OSBPL5: variants seen among roughly 807,000 people sequenced by gnomAD.
OSBPL5 encodes the protein oxysterol binding protein like 5.
OSBPL5 carries 71 observed loss-of-function variants against 111.2 expected under a neutral mutation model. That is an observed-to-expected ratio of 0.64 (90% CI 0.53 to 0.78). The LOEUF (loss-of-function observed/expected upper bound fraction) is 0.78. Ranked by LOEUF, OSBPL5 falls within the 30% of genes least tolerant of loss-of-function variation. The pLI is 0.00. For synonymous variants in OSBPL5, 549 were observed against 513.9 expected, an observed-to-expected ratio of 1.07 and a Z score of -0.93; for missense variants, 1,210 against 1,189.3, an observed-to-expected ratio of 1.02 and a Z score of -0.26.
chr11:3,099,551 T>C (rs1857384606), intron 14 of OSBPL5, among the ~76,000 whole-genome samples: 1 of 151,982 alleles, frequency 6.6e-6, no homozygotes, highest in Non-Finnish European at 1.5e-5. Context: ...AGTCTGTTAA[T>C]GAAAAAATAA....
intron 1 of OSBPL5, 94 bp from the exon 2 acceptor site, chr11:3,129,263 C>A: frequency 8.6e-7 from 1 of 1,168,336 alleles, no homozygotes; most frequent in Non-Finnish European, 1.1e-6. Flanking sequence ...AGAAGTCCCC[C>A]TCTCAGGGGA....
At chr11:3,139,091 C>T (rs528440733) in intron 1 of OSBPL5, among the ~76,000 whole-genome samples, 1 of 152,312 alleles carries the variant, frequency 6.6e-6, no homozygotes, top group South Asian at 2.1e-4. Context: ...CAGGCCCACA[C>T]TCTCCCCCAA....
chr11:3,149,743 A>AC (rs201759866), intron 1 of OSBPL5, among the ~76,000 whole-genome samples: 101 of 151,078 alleles, frequency 6.7e-4, no homozygotes, highest in African/African-American at 2.3e-3. Context: ...TCATCAAACG[A>AC]CCCCCCCGTC....
At chr11:3,096,193 T>C (rs1007136027) in intron 14 of OSBPL5, among the ~76,000 whole-genome samples, 1 of 152,192 alleles carries the variant, frequency 6.6e-6, no homozygotes, top group Non-Finnish European at 1.5e-5. Context: ...AACGGCCAAC[T>C]GTCACGTGTG....
In OSBPL5 at chr11:3,126,547, T is replaced by C. The variant is rs1394040110; in HGVS notation, c.145A>G (p.Met49Val). The change falls in exon 3 of 22, where the codon ATG (methionine) becomes GTG (valine). Residue 49 changes from methionine (M) to valine (V), a missense_variant. Met to Val is a conservative substitution (Grantham distance 21). Transcript: ENST00000263650. This position sits in a 1 kb window ranked among gnomAD's most constrained non-coding sequence, Gnocchi z 6.5. ...ELYPLSPGKD[M>V]EPNGPSLPRD... ...GGCAGCGACGGGCCGTTGGGCTCCA[T>C]GTCCTTCCCTGCAAGAGAGCAGTGG... 5.0e-6 allele frequency: 8 copies of C among 1,607,764 alleles called. No individual in the cohort carries two copies. The highest frequency in any genetic ancestry group is 1.3e-5 in the African/African-American group (1 of 74,774).
At chr11:3,117,232 G>A (rs973566892) in intron 7 of OSBPL5, among the ~76,000 whole-genome samples, 4 of 144,984 alleles carry the variant, frequency 2.8e-5, no homozygotes, top group African/African-American at 7.7e-5. Flanking sequence ...AAAGCCCCTT[G>A]GAAAAACTGG....
In OSBPL5 at chr11:3,103,819, C is replaced by CAGCCCCATTCCTGCCTCT. The variant is rs1564830449; in HGVS notation, c.1244+373_1244+374insAGAGGCAGGAATGGGGCT. 4.5e-5 allele frequency among the ~76,000 whole-genome samples: 2 copies of CAGCCCCATTCCTGCCTCT among 44,010 alleles called. 1 individual carries two copies. Among genetic ancestry groups the CAGCCCCATTCCTGCCTCT allele is most frequent in the South Asian group, 1.3e-3 (2 of 1,542 alleles). The allele number at this position is 44,010 out of a possible 152,430, so 28.9% of individuals were successfully genotyped here. The stretch of plus-strand genomic sequence containing the variant: ...GCCTCTGCAGCCCTCTTCCTGCCTG[C>CAGCCCCATTCCTGCCTCT]GCAGCCCCCTTCCAGCCTCTGCAGC... On this transcript the variant is annotated intron_variant, in intron 10 of 21. Coordinates refer to ENST00000263650, the MANE Select transcript of OSBPL5 (RefSeq NM_020896.4).
rs781605222 is a variant in OSBPL5, at chr11:3,107,896, T to G, written c.741A>C (p.Leu247=). 3 of 1,604,612 alleles carry G rather than the reference T, an allele frequency of 1.9e-6. No individual in the cohort carries two copies. The highest frequency in any genetic ancestry group is 1.1e-5 in the South Asian group (1 of 91,060). ...ALELALRCSS[L]LRLGTCKPGR... The stretch of plus-strand genomic sequence containing the variant: ...CCGGCTTGCAGGTGCCCAGTCTCAG[T>G]AGGCTAGAGCAGCGCAGGGCCAGCT... The change falls in exon 8 of 22, where the codon CTA becomes CTC. Residue 247 remains leucine (L), a synonymous_variant. Transcript: ENST00000263650. This position sits in a 1 kb window ranked among gnomAD's most constrained non-coding sequence, Gnocchi z 6.1.
At position 3,104,604 on chromosome 11, in the gene OSBPL5, C is replaced by A. The variant is rs1417381719; in HGVS notation, c.1060-227G>T. ...GGAGCACCCGCAGCCCAGGTCCAGGCCCGCTCCTGTCTCTGCTCCTTGCCC... is the reference window on the plus strand; with the variant it reads ...GGAGCACCCGCAGCCCAGGTCCAGGACCGCTCCTGTCTCTGCTCCTTGCCC... On this transcript the variant is annotated intron_variant, in intron 9 of 21. Coordinates refer to ENST00000263650, the MANE Select transcript of OSBPL5 (RefSeq NM_020896.4). This position sits in a 1 kb window ranked among gnomAD's most constrained non-coding sequence, Gnocchi z 5.0. 1.3e-5 allele frequency among the ~76,000 whole-genome samples: 2 copies of A among 152,146 alleles called. No homozygotes were observed. Among genetic ancestry groups the A allele is most frequent in the Non-Finnish European group, 2.9e-5 (2 of 68,002 alleles).
At chr11:3,120,653 C>T (rs77244861) in intron 5 of OSBPL5, 29 bp from the exon 6 acceptor site, 1 of 1,605,914 alleles carries the variant, frequency 6.2e-7, no homozygotes, top group Non-Finnish European at 8.5e-7. Context: ...CGTCGATGCC[C>T]ACCCTCTGGG....
intron 1 of OSBPL5, among the ~76,000 whole-genome samples, chr11:3,133,694 GCGTC>G (rs1407678735): frequency 1.3e-5 from 2 of 152,238 alleles, no homozygotes; most frequent in Non-Finnish European, 2.9e-5. Flanking sequence ...GCATGGTGCT[GCGTC>G]CATCTCCAGC....
chr11:3,092,827 A>G lies in OSBPL5; in HGVS notation c.2132+40T>C. 1 of 1,491,408 alleles carries G rather than the reference A, an allele frequency of 6.7e-7. No homozygotes were observed. Among genetic ancestry groups the G allele is most frequent in the South Asian group, 1.3e-5 (1 of 75,550 alleles). 92.4% of individuals were successfully genotyped at this position (1,491,408 alleles called of 1,614,324 possible). A position where few individuals can be genotyped will look rare whatever the true frequency, so the allele number is the denominator to read the frequency against. ...CCTTCTCAGCCCGTCTGCTAGGCCC[A>G]GCCCCACCCTGTGGCCCCCAGGGCT... On this transcript the variant is annotated intron_variant, in intron 18 of 21. Transcript: ENST00000263650. This position sits in a 1 kb window ranked among gnomAD's most constrained non-coding sequence, Gnocchi z 5.4.
chr11:3,138,279 GGCTGGGCGT>G (rs1846006067), intron 1 of OSBPL5, among the ~76,000 whole-genome samples: 1 of 152,230 alleles, frequency 6.6e-6, no homozygotes, highest in South Asian at 2.1e-4. Flanking sequence ...CATGGGGGCG[GGCTGGGCGT>G]GGTCCCTGAG....
At chr11:3,158,263 G>A (rs1283010393) in intron 1 of OSBPL5, among the ~76,000 whole-genome samples, 1 of 152,260 alleles carries the variant, frequency 6.6e-6, no homozygotes, top group African/African-American at 2.4e-5. Flanking sequence ...TTCTGCAGGA[G>A]CTGGGCCCAA....
intron 13 of OSBPL5, among the ~76,000 whole-genome samples, chr11:3,100,919 C>A (rs1857429605): frequency 6.6e-6 from 1 of 151,900 alleles, no homozygotes; most frequent in South Asian, 2.1e-4. Context: ...CCGGGGCCAA[C>A]ACTGAGCCTG....
At position 3,100,246 on chromosome 11, in the gene OSBPL5, C is replaced by T; in HGVS notation, c.1533G>A (p.Leu511=). 6.2e-7 allele frequency: 1 copy of T among 1,614,024 alleles called. No homozygotes were observed. Among genetic ancestry groups the T allele is most frequent in the African/African-American group, 1.3e-5 (1 of 75,028 alleles). ...TAKSRFYGNS[L]SALLDGKATL... is the part of the protein sequence containing the mutation. ...TGGCTTTGCCGTCCAGCAGCGCCGA[C>T]AGCGAGTTCCCTGCAGAGACAAGAG... The change falls in exon 14 of 22, where the codon CTG becomes CTA. Residue 511 remains leucine, a synonymous_variant. Transcript: ENST00000263650.
At chr11:3,122,640 A>G (rs925888843) in intron 3 of OSBPL5, among the ~76,000 whole-genome samples, 1 of 151,870 alleles carries the variant, frequency 6.6e-6, no homozygotes, top group Admixed American at 6.5e-5. Flanking sequence ...GAGACCCTCC[A>G]TGGGCACACG....
chr11:3,107,566 G>T lies in OSBPL5; in HGVS notation c.867-111C>A, dbSNP rs147826009. The stretch of plus-strand genomic sequence containing the variant: ...CACTTCACATACGTTCCTGCCTGTC[G>T]TCACCTCCACAACCCACATTTGACA... On this transcript the variant is annotated intron_variant, in intron 8 of 21. Coordinates refer to ENST00000263650, the MANE Select transcript of OSBPL5 (RefSeq NM_020896.4). This position sits in a 1 kb window ranked among gnomAD's most constrained non-coding sequence, Gnocchi z 6.1. The T allele has an allele frequency of 1.4e-6, 2 of 1,397,002 alleles. No homozygotes were observed. The highest frequency in any genetic ancestry group is 1.3e-5 in the South Asian group (1 of 78,018). 86.5% of individuals were successfully genotyped at this position (1,397,002 alleles called of 1,614,324 possible).
intron 14 of OSBPL5, among the ~76,000 whole-genome samples, chr11:3,097,011 A>C: frequency 8.4e-6 from 1 of 119,456 alleles, no homozygotes; most frequent in Non-Finnish European, 1.6e-5. Context: ...AAAGAGGGGG[A>C]AGACGGGAGG....
Sources: gnomAD v4.1 joint callset for allele counts (sites outside exome capture counted in the v4.1 genomes callset) on GRCh38, gnomAD v4.1.1 for gene constraint, Gnocchi (gnomAD v3.1) non-coding constraint, MANE v1.5 for transcripts, NCBI Gene and HGNC (gene_info 2026-07-23, HGNC 2026-07-21) for gene names.